METTL15: variants seen among roughly 807,000 people sequenced by gnomAD.
The protein encoded by METTL15 is 12S rRNA N(4)-cytidine methyltransferase METTL15.
METTL15 carries 34 observed loss-of-function variants against 38.3 expected under a neutral mutation model. The ratio of observed to expected loss-of-function variants is 0.89; its 90% CI spans 0.68 to 1.18. The LOEUF is 1.18. Ranked by LOEUF, METTL15 falls within the 50% of genes most tolerant of loss-of-function variation. The pLI, the probability that METTL15 is intolerant of heterozygous loss-of-function variation, is 0.00. For synonymous variants in METTL15, 162 were observed against 170.9 expected (o/e 0.95, Z 0.41); for missense variants, 438 against 498.4 (o/e 0.88, Z 1.15).
At chr11:28,301,430 C>T (rs889200082) in intron 6 of METTL15, among the ~76,000 whole-genome samples, 2 of 152,034 alleles carry the variant, frequency 1.3e-5, no homozygotes, top group Admixed American at 6.6e-5. Flanking sequence ...CCTTGTCTGG[C>T]ACTTATTATG....
At chr11:28,123,858 C>T (rs1369528192) in intron 3 of METTL15, 2 of 1,454,368 alleles carry the variant, frequency 1.4e-6, no homozygotes, top group Non-Finnish European at 1.8e-6. Flanking sequence ...TTCTTTCTGG[C>T]AAGCAAAAGA....
intron 4 of METTL15, among the ~76,000 whole-genome samples, chr11:28,247,935 A>G (rs1262011040): frequency 6.6e-6 from 1 of 152,160 alleles, no homozygotes; most frequent in Admixed American, 6.6e-5. Context: ...AAAATAGGGC[A>G]GCTATAATAT....
chr11:28,365,784 A>C (rs972074676), intron 5 of METTL15, among the ~76,000 whole-genome samples: 1 of 152,166 alleles, frequency 6.6e-6, no homozygotes, highest in Non-Finnish European at 1.5e-5. Flanking sequence ...GCGGTGGCTC[A>C]TGAGCGCCTG....
At chr11:28,494,222 GA>G (rs533653623) in intron 6 of METTL15, among the ~76,000 whole-genome samples, 4 of 152,180 alleles carry the variant, frequency 2.6e-5, no homozygotes, top group Non-Finnish European at 4.4e-5. Flanking sequence ...AGAGCAGGGA[GA>G]GAAGGCCATG....
At chr11:28,128,844 G>C (rs989110556) in intron 3 of METTL15, among the ~76,000 whole-genome samples, 5 of 152,128 alleles carry the variant, frequency 3.3e-5, no homozygotes, top group Non-Finnish European at 7.4e-5. Flanking sequence ...AAATTTTTTA[G>C]TCTAATCTAA....
intron 4 of METTL15, among the ~76,000 whole-genome samples, chr11:28,285,857 C>T (rs79360373): frequency 0.014 from 2,064 of 152,160 alleles, 33 homozygotes; most frequent in Non-Finnish European, 0.018. Context: ...TTTCCCCTGA[C>T]CCCAGGAAGT....
intron 6 of METTL15, among the ~76,000 whole-genome samples, chr11:28,480,406 G>T (rs778717008): frequency 6.6e-6 from 1 of 152,144 alleles, no homozygotes; most frequent in Non-Finnish European, 1.5e-5. Context: ...AATCTTAAGA[G>T]CATGTATTTA....
intron 6 of METTL15, among the ~76,000 whole-genome samples, chr11:28,524,358 T>C (rs1316742335): frequency 6.6e-6 from 1 of 152,246 alleles, no homozygotes; most frequent in African/African-American, 2.4e-5. Flanking sequence ...GGTCTCAAGA[T>C]ATCATCTATT....
intron 5 of METTL15, among the ~76,000 whole-genome samples, chr11:28,417,085 T>TTTGGAGAAC (rs1437170358): frequency 6.6e-6 from 1 of 152,222 alleles, no homozygotes; most frequent in African/African-American, 2.4e-5. Context: ...TTGTAAATGA[T>TTTGGAGAAC]TCTGAGGCTA....
chr11:28,131,828 C>T (rs1045978676), intron 3 of METTL15, among the ~76,000 whole-genome samples: 6 of 152,092 alleles, frequency 3.9e-5, no homozygotes, highest in Non-Finnish European at 7.4e-5. Flanking sequence ...CCTGATAAAT[C>T]GGAAGTATTA....
chr11:28,209,499 T>C (rs540424552), intron 3 of METTL15, among the ~76,000 whole-genome samples: 2 of 152,082 alleles, frequency 1.3e-5, no homozygotes, highest in Non-Finnish European at 2.9e-5. Flanking sequence ...TAAAAATATA[T>C]TTAGCCATGC....
chr11:28,257,607 A>T (rs1022279822), intron 4 of METTL15, among the ~76,000 whole-genome samples: 3 of 151,898 alleles, frequency 2.0e-5, no homozygotes, highest in African/African-American at 7.3e-5. Flanking sequence ...TCTTCTGTGT[A>T]TTATCAAATA....
chr11:28,184,698 T>C (rs1221032129), intron 3 of METTL15, among the ~76,000 whole-genome samples: 1 of 151,640 alleles, frequency 6.6e-6, no homozygotes, highest in Non-Finnish European at 1.5e-5. Flanking sequence ...AAATTATGAT[T>C]GATTAAAGTT....
chr11:28,279,116 T>C (rs532595864), intron 4 of METTL15, among the ~76,000 whole-genome samples: 1 of 152,332 alleles, frequency 6.6e-6, no homozygotes, highest in Admixed American at 6.5e-5. Flanking sequence ...CATGAGCCGC[T>C]GTGCCCAGCT....
At chr11:28,203,678 A>G (rs1458542235) in intron 3 of METTL15, among the ~76,000 whole-genome samples, 1 of 152,008 alleles carries the variant, frequency 6.6e-6, no homozygotes, top group Non-Finnish European at 1.5e-5. Context: ...ATAGTCTGTT[A>G]TGTCCCTTTG....
intron 5 of METTL15, among the ~76,000 whole-genome samples, chr11:28,385,548 T>A (rs1313905413): frequency 6.6e-6 from 1 of 152,154 alleles, no homozygotes. Flanking sequence ...ACTATAGCCT[T>A]GTAGTATAGT....
intron 4 of METTL15, among the ~76,000 whole-genome samples, chr11:28,216,105 T>G (rs1476914531): frequency 6.6e-6 from 1 of 152,164 alleles, no homozygotes; most frequent in Non-Finnish European, 1.5e-5. Context: ...TATACATGTA[T>G]TGTACATGTA....
rs777339150 is a variant in METTL15, at chr11:28,119,549, T to C, written c.270+5945T>C. 3.3e-5 allele frequency among the ~76,000 whole-genome samples: 5 copies of C among 152,230 alleles called. No homozygotes were observed. The South Asian group carries it at 8.3e-4, about 25-fold the overall frequency. On this transcript the variant is annotated intron_variant, in intron 3 of 6. Coordinates refer to ENST00000407364, the MANE Select transcript of METTL15 (RefSeq NM_001113528.2). ...AGCTGGCACCTAAACGGAAGCAAAA[T>C]AGATTATGATGACAAATAGTTTAAA...
At chr11:28,425,757 T>C (rs556453813) in intron 6 of METTL15, among the ~76,000 whole-genome samples, 12 of 152,274 alleles carry the variant, frequency 7.9e-5, no homozygotes, top group South Asian at 4.1e-4. Context: ...TGTATATATT[T>C]TTTGTTGTTG....
Sources: allele counts gnomAD v4.1 joint callset (sites outside exome capture counted in the v4.1 genomes callset), GRCh38; gene constraint gnomAD v4.1.1; transcripts MANE v1.5; gene names NCBI Gene and HGNC (gene_info 2026-07-23, HGNC 2026-07-21).